The following CDH12 variants were observed in gnomAD, a reference collection of about 807,000 sequenced individuals.
The protein encoded by CDH12 is cadherin-12.
CDH12 carries 41 observed loss-of-function variants against 74.1 expected under a neutral mutation model. The ratio of observed to expected loss-of-function variants is 0.55; its 90% CI spans 0.43 to 0.72. CDH12 has a LOEUF of 0.72. CDH12 is among the 30% of genes least tolerant of loss of function. CDH12 has a pLI of 0.00. For synonymous variants in CDH12, 399 were observed against 355.0 expected, an observed-to-expected ratio of 1.12 and a Z score of -1.39; for missense variants, 945 against 977.2, an observed-to-expected ratio of 0.97 and a Z score of 0.44.
intron 3 of CDH12, among the ~76,000 whole-genome samples, chr5:22,319,535 C>T (rs1327816404): frequency 6.6e-6 from 1 of 152,048 alleles, no homozygotes; most frequent in East Asian, 1.9e-4. Flanking sequence ...CATTACTCAG[C>T]AGCATAGTAA....
At chr5:22,816,214 T>C (rs938009117) in intron 1 of CDH12, among the ~76,000 whole-genome samples, 2 of 152,156 alleles carry the variant, frequency 1.3e-5, no homozygotes, top group Non-Finnish European at 2.9e-5. Flanking sequence ...TTGAACGAGG[T>C]TGATTTTTAC....
chr5:22,258,608 A>G (rs965308056), intron 3 of CDH12, among the ~76,000 whole-genome samples: 34 of 151,792 alleles, frequency 2.2e-4, no homozygotes, highest in African/African-American at 6.0e-4. Flanking sequence ...TGACTTACTC[A>G]GAACAGCTTT....
At chr5:22,795,618 T>A (rs2126399073) in intron 1 of CDH12, among the ~76,000 whole-genome samples, 1 of 151,078 alleles carries the variant, frequency 6.6e-6, no homozygotes, top group African/African-American at 2.4e-5. Context: ...CAAACACACA[T>A]CTCATCTTGG....
chr5:21,786,082 A>G (rs1448569171), intron 10 of CDH12, among the ~76,000 whole-genome samples: 1 of 152,172 alleles, frequency 6.6e-6, no homozygotes, highest in African/African-American at 2.4e-5. Context: ...ATTTTGCTAA[A>G]TCTACTCTGC....
At chr5:22,822,301 C>T (rs564254729) in intron 1 of CDH12, among the ~76,000 whole-genome samples, 14 of 152,180 alleles carry the variant, frequency 9.2e-5, no homozygotes, top group East Asian at 5.8e-4. Flanking sequence ...CTAGGCAATA[C>T]CATTCAGGAC....
intron 3 of CDH12, among the ~76,000 whole-genome samples, chr5:22,322,778 G>A (rs1309690761): frequency 6.6e-6 from 1 of 152,148 alleles, no homozygotes; most frequent in African/African-American, 2.4e-5. Flanking sequence ...CACTGGGCAG[G>A]TGAGTGAGCT....
intron 2 of CDH12, among the ~76,000 whole-genome samples, chr5:22,434,041 C>G (rs35268912): frequency 0.097 from 14,700 of 152,190 alleles, 880 homozygotes; most frequent in Non-Finnish European, 0.14. Context: ...ATCCAGCCCC[C>G]ACACATGACT....
At chr5:21,861,987 G>A (rs181924647) in intron 6 of CDH12, among the ~76,000 whole-genome samples, 110 of 151,274 alleles carry the variant, frequency 7.3e-4, no homozygotes, top group African/African-American at 2.4e-3. Flanking sequence ...TCTATCTGTT[G>A]AAAGGTTAAT....
At chr5:21,787,031 G>A (rs1746233723) in intron 10 of CDH12, among the ~76,000 whole-genome samples, 1 of 152,062 alleles carries the variant, frequency 6.6e-6, no homozygotes, top group Admixed American at 6.6e-5. Flanking sequence ...GAGCAAACAA[G>A]GTAGTTTCTT....
At chr5:22,712,849 C>T (rs554384697) in intron 1 of CDH12, among the ~76,000 whole-genome samples, 3 of 152,236 alleles carry the variant, frequency 2.0e-5, no homozygotes, top group South Asian at 4.1e-4. Flanking sequence ...AATATACTGC[C>T]TCTCCAATAC....
rs568278312 is a variant in CDH12 at position 22,007,724 on chromosome 5, C to A, written c.232-32339G>T. The stretch of plus-strand genomic sequence containing the variant: ...GACTAAACCTTCTCCCCATGGTTTC[C>A]CAGGAAGAAGATGGTGAAGTTAGAA... On this transcript the variant is annotated intron_variant, in intron 5 of 14. Coordinates refer to ENST00000382254, the MANE Select transcript of CDH12 (RefSeq NM_004061.5). 2.0e-3 allele frequency among the ~76,000 whole-genome samples: 309 copies of A among 152,254 alleles called. 4 individuals are homozygous for A. Among genetic ancestry groups the A allele is most frequent in the African/African-American group, 6.8e-3 (284 of 41,538 alleles).
chr5:22,411,441 T>C (rs1445844868), intron 2 of CDH12, among the ~76,000 whole-genome samples: 3 of 151,934 alleles, frequency 2.0e-5, no homozygotes, highest in African/African-American at 7.2e-5. Flanking sequence ...TTTCTGACAG[T>C]CCATGAGATC....
chr5:22,427,448 G>A (rs1299752306), intron 2 of CDH12, among the ~76,000 whole-genome samples: 2 of 152,304 alleles, frequency 1.3e-5, no homozygotes, highest in East Asian at 1.9e-4. Context: ...TTACAGGCAT[G>A]AGCCACTGCA....
intron 6 of CDH12, among the ~76,000 whole-genome samples, chr5:21,932,101 T>G (rs1267622624): frequency 6.6e-6 from 1 of 152,206 alleles, no homozygotes; most frequent in Non-Finnish European, 1.5e-5. Context: ...TCTACACAAA[T>G]GAAACAAACA....
chr5:22,830,975 T>G (rs920572380), intron 1 of CDH12, among the ~76,000 whole-genome samples: 1 of 151,820 alleles, frequency 6.6e-6, no homozygotes, highest in South Asian at 2.1e-4. Context: ...AATCAGCTAT[T>G]TTATATAATT....
chr5:22,631,512 T>C (rs1026849747), intron 1 of CDH12, among the ~76,000 whole-genome samples: 6 of 152,166 alleles, frequency 3.9e-5, no homozygotes, highest in African/African-American at 9.6e-5. Context: ...GAGGCCATTA[T>C]CTTAAGTGAA....
At chr5:22,345,353 T>A (rs529078606) in intron 3 of CDH12, among the ~76,000 whole-genome samples, 8 of 152,184 alleles carry the variant, frequency 5.3e-5, no homozygotes, top group Non-Finnish European at 1.0e-4. Flanking sequence ...TGAAATTTAA[T>A]GTGTAAAGTT....
At chr5:22,463,027 C>T (rs1745582187) in intron 2 of CDH12, among the ~76,000 whole-genome samples, 1 of 151,980 alleles carries the variant, frequency 6.6e-6, no homozygotes, top group South Asian at 2.1e-4. Flanking sequence ...AATGAACAGG[C>T]AGAGACCACG....
intron 3 of CDH12, among the ~76,000 whole-genome samples, chr5:22,305,553 G>A (rs1019462339): frequency 1.3e-5 from 2 of 152,086 alleles, no homozygotes; most frequent in African/African-American, 4.8e-5. Flanking sequence ...ATGGTCCTTG[G>A]CCACCTTAAA....
Sources: gnomAD v4.1 joint callset for allele counts (sites outside exome capture counted in the v4.1 genomes callset) on GRCh38, gnomAD v4.1.1 for gene constraint, MANE v1.5 for transcripts, NCBI Gene and HGNC (gene_info 2026-07-23, HGNC 2026-07-21) for gene names.